The following ZFHX3 variants were observed in gnomAD, a reference collection of about 807,000 sequenced individuals.
The protein encoded by ZFHX3 is zinc finger homeobox 3.
ZFHX3 carries 42 observed loss-of-function variants against 279.1 expected under a neutral mutation model. The ratio of observed to expected loss-of-function variants is 0.15; its 90% CI spans 0.12 to 0.19. The LOEUF (loss-of-function observed/expected upper bound fraction) is 0.19. Among genes scored for constraint, ZFHX3 ranks in the 10% least tolerant of loss-of-function variants. The pLI is 1.00. For synonymous variants in ZFHX3, 2,293 were observed against 1,957.8 expected (o/e 1.17, Z -4.52); for missense variants, 4,981 against 4,754.0 (o/e 1.05, Z -1.40).
At chr16:73,281,279 A>C (rs2014452505) in intron 4 of ZFHX3, among the ~76,000 whole-genome samples, 1 of 152,214 alleles carries the variant, frequency 6.6e-6, no homozygotes, top group African/African-American at 2.4e-5. Flanking sequence ...GTATATACAC[A>C]ATGGAATATT....
intron 1 of ZFHX3, among the ~76,000 whole-genome samples, chr16:73,719,284 T>C (rs2053449884): frequency 6.6e-6 from 1 of 152,210 alleles, no homozygotes; most frequent in Non-Finnish European, 1.5e-5. Flanking sequence ...AAGTAACATA[T>C]GTGAAGCAGT....
intron 2 of ZFHX3, among the ~76,000 whole-genome samples, chr16:73,626,962 C>T (rs2052422830): frequency 6.6e-6 from 1 of 152,168 alleles, no homozygotes; most frequent in Non-Finnish European, 1.5e-5. Context: ...TATACTTCTA[C>T]TGTAGCCATA....
Position 72,785,456 on chromosome 16 carries a change from C to G in ZFHX3, c.*1708G>C, listed in dbSNP as rs138734376. 4.6e-5 allele frequency: 7 copies of G among 152,758 alleles called. No homozygotes were observed. In the East Asian group the frequency reaches 1.3e-3, roughly 29 times the overall value. The allele number at this position is 152,758 out of a possible 1,614,324, so 9.5% of individuals were successfully genotyped here. A position where few individuals can be genotyped will look rare whatever the true frequency, so the allele number is the denominator to read the frequency against. On this transcript the variant is annotated 3_prime_UTR_variant, in exon 10 of 10. Transcript: ENST00000268489. The stretch of plus-strand genomic sequence containing the variant: ...ATGGAATTGTCATTAACATTTGCCT[C>G]TCTGCTTGCAGAAGAAGCACATAAC...
In ZFHX3 at chr16:72,959,440, C is replaced by T. The variant is rs368995910; in HGVS notation, c.706G>A (p.Val236Met). 7 of 1,614,112 alleles carry T rather than the reference C, an allele frequency of 4.3e-6. No homozygotes were observed. The highest frequency in any genetic ancestry group is 2.7e-5 in the African/African-American group (2 of 74,950). ...TAATCCTTGTTGCTTTTGTGTCGCA[C>T]GTCAAACACGCGGAAGCTGTGCAGG... is the stretch of plus-strand genomic sequence containing the variant. ...PVLHSFRVFD[V>M]RHKSNKDYLN... Residue 236 changes from valine (V) to methionine (M), a missense_variant, in exon 2 of 10, where the codon GTG (valine) becomes ATG (methionine). Transcript: ENST00000268489.
chr16:72,957,822 G>A lies in ZFHX3; in HGVS notation c.2324C>T (p.Ala775Val), dbSNP rs370398587. Residue 775 changes from alanine (A) to valine (V), a missense_variant, in exon 2 of 10, where the codon GCG becomes GTG. Physicochemically the swap from Ala to Val is moderately conservative, Grantham distance 64 (BLOSUM62 0). Transcript: ENST00000268489. ...VFSHTAGAAA[A>V]AVAAAAAAAN... ...TGCCGCCGCCGCCGCAGCCACCGCC[G>A]CCGCCGCCGCCCCGGCAGTGTGGCT... is the stretch of plus-strand genomic sequence containing the variant. 83 of 1,605,564 alleles carry A rather than the reference G, an allele frequency of 5.2e-5. No individual in the cohort carries two copies. Among genetic ancestry groups the A allele is most frequent in the East Asian group, 1.1e-4 (5 of 44,688 alleles).
At chr16:72,807,216 A>T (rs1250335124) in intron 7 of ZFHX3, 4 of 152,174 alleles carry the variant, frequency 2.6e-5, no homozygotes, top group Non-Finnish European at 5.9e-5. Flanking sequence ...TGTGTAACTG[A>T]CATTGGGGGA....
chr16:72,870,435 C>A (rs943612726), intron 4 of ZFHX3, among the ~76,000 whole-genome samples: 1 of 149,528 alleles, frequency 6.7e-6, no homozygotes, highest in Non-Finnish European at 1.5e-5. Flanking sequence ...AACGGCTGGG[C>A]ACGGTGGCTC....
At chr16:73,195,845 T>TGG (rs1255667192) in intron 5 of ZFHX3, among the ~76,000 whole-genome samples, 1 of 151,782 alleles carries the variant, frequency 6.6e-6, no homozygotes, top group Non-Finnish European at 1.5e-5. Flanking sequence ...ACTGAACAGG[T>TGG]GGGAGAGAAG....
chr16:73,078,835 G>A (rs988607633), intron 8 of ZFHX3, among the ~76,000 whole-genome samples: 7 of 151,680 alleles, frequency 4.6e-5, no homozygotes, highest in African/African-American at 7.3e-5. Context: ...TAGTAGAGAC[G>A]GGGTTTCACC....
intron 1 of ZFHX3, among the ~76,000 whole-genome samples, chr16:73,855,661 C>T (rs1396793187): frequency 6.6e-6 from 1 of 152,176 alleles, no homozygotes; most frequent in Non-Finnish European, 1.5e-5. Flanking sequence ...CTCTGGAAAA[C>T]ATAACAAGCT....
rs533869681 is a variant in ZFHX3 at position 73,543,561 on chromosome 16, G to A, written c.-1546-87303C>T. ...GCCGTGGTGTAAAGGGAGCAGCTGG[G>A]AATCCATAAAGCTGGCTGATGAGAA... On this transcript the variant is annotated intron_variant, in intron 2 of 17. Coordinates refer to the ZFHX3 transcript ENST00000641206. Among the ~76,000 whole-genome samples the A allele has an allele frequency of 4.7e-4, 72 of 152,312 alleles. 5 individuals are homozygous for A. The South Asian group carries it at 0.014, about 30-fold the overall frequency.
chr16:73,422,531 A>G (rs1296780915), intron 3 of ZFHX3, among the ~76,000 whole-genome samples: 1 of 152,182 alleles, frequency 6.6e-6, no homozygotes, highest in Non-Finnish European at 1.5e-5. Context: ...TTTTCCCCAA[A>G]TCAAAGTCAT....
intron 1 of ZFHX3, among the ~76,000 whole-genome samples, chr16:73,054,411 G>A (rs1321122113): frequency 3.2e-5 from 3 of 93,430 alleles, no homozygotes; most frequent in South Asian, 4.2e-4. Flanking sequence ...CCTCCATCCC[G>A]ATACAGGAGG....
At chr16:73,874,414 C>T (rs955208098) in intron 1 of ZFHX3, among the ~76,000 whole-genome samples, 6 of 152,172 alleles carry the variant, frequency 3.9e-5, no homozygotes, top group Non-Finnish European at 5.9e-5. Flanking sequence ...GTATATCATA[C>T]ACCCCAAGTC....
chr16:73,755,842 C>G (rs1020095701), intron 1 of ZFHX3, among the ~76,000 whole-genome samples: 8 of 152,168 alleles, frequency 5.3e-5, no homozygotes, highest in African/African-American at 1.7e-4. Context: ...GATGAAAGAC[C>G]TACTTGGAGC....
intron 1 of ZFHX3, among the ~76,000 whole-genome samples, chr16:73,698,922 G>A (rs1399492398): frequency 6.6e-6 from 1 of 152,154 alleles, no homozygotes; most frequent in Non-Finnish European, 1.5e-5. Context: ...GTCTTCCTCT[G>A]TAGCCAGGCT....
At chr16:73,708,207 A>C (rs2053324678) in intron 1 of ZFHX3, among the ~76,000 whole-genome samples, 1 of 152,224 alleles carries the variant, frequency 6.6e-6, no homozygotes, top group Non-Finnish European at 1.5e-5. Context: ...TGGAGAAATC[A>C]TTGAAGTCTC....
At position 73,775,879 on chromosome 16, in the gene ZFHX3, A is replaced by C. The variant is rs373837760; in HGVS notation, c.-1607-95639T>G. Among the ~76,000 whole-genome samples, 118 of 152,208 alleles carry C rather than the reference A, an allele frequency of 7.8e-4. 1 individual carries two copies. In the South Asian group the frequency reaches 0.024, roughly 31 times the overall value. ...TCCCTCAATTCTGGAGAGGTTGAAAAATCTGAGGATGTAGACTCTTGGAGC... is the reference window on the plus strand; with the variant it reads ...TCCCTCAATTCTGGAGAGGTTGAAACATCTGAGGATGTAGACTCTTGGAGC... On this transcript the variant is annotated intron_variant, in intron 1 of 17. Coordinates refer to the ZFHX3 transcript ENST00000641206.
rs184497652 is a variant in ZFHX3, at chr16:73,331,489, G to A, written c.-1290-13153C>T. Among the ~76,000 whole-genome samples, 75 of 152,316 alleles carry A rather than the reference G, an allele frequency of 4.9e-4. 1 individual carries two copies. The South Asian group carries it at 7.5e-3, about 15-fold the overall frequency. ...AGACATCCCTGGTCTTATGCCTAGA[G>A]TCCTTTGTTCTTCTGTTGCCACAGA... On this transcript the variant is annotated intron_variant, in intron 3 of 17. Transcript: ENST00000641206.
Sources: gnomAD v4.1 joint callset for allele counts (sites outside exome capture counted in the v4.1 genomes callset) on GRCh38, gnomAD v4.1.1 for gene constraint, MANE v1.5 for transcripts, NCBI Gene and HGNC (gene_info 2026-07-23, HGNC 2026-07-21) for gene names.